DNAH11: variants seen among roughly 807,000 people sequenced by gnomAD.
DNAH11 encodes axonemal beta dynein heavy chain 11.
A neutral mutation model predicts 526.0 loss-of-function variants in DNAH11; 442 were observed. The ratio of observed to expected loss-of-function variants is 0.84; its 90% CI spans 0.78 to 0.91. The LOEUF is 0.91. Among genes scored for constraint, DNAH11 ranks in the 40% least tolerant of loss-of-function variants. The probability of loss-of-function intolerance (pLI) is 0.00; values close to 1 mark genes in which losing one functional copy is unlikely to be tolerated. For missense variants in DNAH11, 6,989 were observed against 5,448.7 expected, an observed-to-expected ratio of 1.28 and a Z score of -8.90; for synonymous variants, 2,461 against 1,935.9, an observed-to-expected ratio of 1.27 and a Z score of -7.12.
intron 45 of DNAH11, among the ~76,000 whole-genome samples, chr7:21,732,959 G>A (rs1002844200): frequency 6.6e-6 from 1 of 152,186 alleles, no homozygotes; most frequent in Non-Finnish European, 1.5e-5. Context: ...TCAGGCCTGG[G>A]CAGTGGGGCT....
intron 42 of DNAH11, among the ~76,000 whole-genome samples, chr7:21,714,756 TTC>T (rs201926547): frequency 6.6e-6 from 1 of 151,878 alleles, no homozygotes; most frequent in Non-Finnish European, 1.5e-5. Flanking sequence ...CTCATTTACT[TTC>T]TCTCTCTCTC....
chr7:21,779,251 C>A (rs72657380), intron 57 of DNAH11, 147 bp downstream of exon 57: 2 of 975,866 alleles, frequency 2.0e-6, no homozygotes, highest in East Asian at 5.5e-5. Flanking sequence ...CATTTCACAC[C>A]GTGATTACCA....
intron 74 of DNAH11, among the ~76,000 whole-genome samples, chr7:21,874,334 T>TTGTTTG (rs1554291357): frequency 1.2e-3 from 181 of 151,352 alleles, no homozygotes; most frequent in African/African-American, 3.3e-3. Flanking sequence ...CATGGTTTTT[T>TTGTTTG]TTTGTTTTTG....
At chr7:21,571,583 A>T (rs1009478132) in intron 7 of DNAH11, among the ~76,000 whole-genome samples, 1 of 152,172 alleles carries the variant, frequency 6.6e-6, no homozygotes, top group African/African-American at 2.4e-5. Flanking sequence ...CTGGCCAGTG[A>T]GAGTTAATTT....
chr7:21,601,211 A>G (rs561781000), intron 17 of DNAH11, 32 bp downstream of exon 17: 1 of 1,565,648 alleles, frequency 6.4e-7, no homozygotes, highest in East Asian at 2.2e-5. Context: ...TGGAATTATA[A>G]CTTTCTAAAC....
chr7:21,642,893 G>A (rs1047335937), intron 28 of DNAH11, among the ~76,000 whole-genome samples: 5 of 152,160 alleles, frequency 3.3e-5, no homozygotes, highest in African/African-American at 7.2e-5. Flanking sequence ...GATAAAATTG[G>A]TGTGTCTAGA....
At chr7:21,606,591 A>G in intron 19 of DNAH11, 49 bp downstream of exon 19, 1 of 1,500,992 alleles carries the variant, frequency 6.7e-7, no homozygotes, top group South Asian at 1.2e-5. Context: ...TACTAGGATA[A>G]TTGAAGTATT....
At chr7:21,818,406 C>CT in intron 65 of DNAH11, 67 bp downstream of exon 65, 1 of 1,537,802 alleles carries the variant, frequency 6.5e-7, no homozygotes, top group Admixed American at 1.9e-5. Context: ...CATCTCTTAG[C>CT]TTCATAGTCA....
At chr7:21,895,260 CTG>C (rs1009575503) in intron 79 of DNAH11, among the ~76,000 whole-genome samples, 9 of 152,150 alleles carry the variant, frequency 5.9e-5, no homozygotes, top group Admixed American at 4.6e-4. Flanking sequence ...ACAAAATAAC[CTG>C]TCTCTTTTTT....
chr7:21,849,424 A>G (rs1782540350), intron 66 of DNAH11, among the ~76,000 whole-genome samples: 1 of 152,170 alleles, frequency 6.6e-6, no homozygotes, highest in Non-Finnish European at 1.5e-5. Context: ...CATTCTTTAC[A>G]TAGATGTGAG....
At chr7:21,575,858 C>T (rs1784072707) in intron 8 of DNAH11, among the ~76,000 whole-genome samples, 1 of 152,192 alleles carries the variant, frequency 6.6e-6, no homozygotes, top group Non-Finnish European at 1.5e-5. Flanking sequence ...GGCAGTCATT[C>T]TGTGTCACTA....
At position 21,868,951 on chromosome 7, in the gene DNAH11, T is replaced by G; in HGVS notation, c.11927T>G (p.Leu3976Arg). The change falls in exon 73 of 82, where the codon CTG becomes CGG. Residue 3976 changes from leucine (L) to arginine (R), a missense_variant. By Grantham distance (102) the Leu-to-Arg change is moderately radical (BLOSUM62 -2). Coordinates refer to ENST00000409508, the MANE Select transcript of DNAH11 (RefSeq NM_001277115.2). The part of the protein sequence containing the change: ...QGQETVAEVA[L>R]EKASKGGHWV... ...CAGGAGACGGTGGCAGAAGTGGCCC[T>G]GGAGAAAGCTTCCAAAGGAGGACAC... 1 of 1,614,000 alleles carries G rather than the reference T, an allele frequency of 6.2e-7. No individual in the cohort carries two copies. The highest frequency in any genetic ancestry group is 8.5e-7 in the Non-Finnish European group (1 of 1,179,878).
chr7:21,716,564 A>G (rs1385885605), intron 42 of DNAH11, among the ~76,000 whole-genome samples: 1 of 152,148 alleles, frequency 6.6e-6, no homozygotes, highest in Admixed American at 6.5e-5. Context: ...TCCCTGAGCA[A>G]TCCTCTTTCA....
At chr7:21,704,282 A>G (rs971865182) in intron 37 of DNAH11, among the ~76,000 whole-genome samples, 152 bp from the exon 38 acceptor site, 1 of 152,230 alleles carries the variant, frequency 6.6e-6, no homozygotes, top group African/African-American at 2.4e-5. Context: ...TTAAACATTT[A>G]ACCTCCCTAT....
chr7:21,708,448 G>A (rs998764156), intron 40 of DNAH11, among the ~76,000 whole-genome samples: 4 of 152,044 alleles, frequency 2.6e-5, no homozygotes, highest in Non-Finnish European at 4.4e-5. Context: ...ATCATGTCTC[G>A]CCTGTACTAC....
chr7:21,766,753 G>C (rs530607688), intron 55 of DNAH11, among the ~76,000 whole-genome samples: 2 of 150,062 alleles, frequency 1.3e-5, no homozygotes, highest in East Asian at 3.9e-4. Flanking sequence ...ACACATGCAA[G>C]TATTCACCAA....
intron 65 of DNAH11, among the ~76,000 whole-genome samples, chr7:21,832,089 C>CAA (rs11431158): frequency 3.5e-4 from 48 of 138,918 alleles, no homozygotes; most frequent in African/African-American, 1.2e-3. Flanking sequence ...GACTCCATCT[C>CAA]AAAAAAAAAA....
At chr7:21,779,195 A>G in intron 57 of DNAH11, 91 bp downstream of exon 57, 4 of 1,440,224 alleles carry the variant, frequency 2.8e-6, no homozygotes, top group East Asian at 2.4e-5. Context: ...CTTCCTCTCC[A>G]GGGAGCATAA....
At chr7:21,610,590 G>A (rs910857022) in intron 20 of DNAH11, among the ~76,000 whole-genome samples, 6 of 151,892 alleles carry the variant, frequency 4.0e-5, no homozygotes, top group African/African-American at 1.5e-4. Context: ...TCAGATATTA[G>A]AAGGAAATAA....
Sources: gnomAD v4.1 joint callset for allele counts (sites outside exome capture counted in the v4.1 genomes callset) on GRCh38, gnomAD v4.1.1 for gene constraint, MANE v1.5 for transcripts, NCBI Gene and HGNC (gene_info 2026-07-23, HGNC 2026-07-21) for gene names.